The following IFIH1 variants were observed in gnomAD, a reference collection of about 807,000 sequenced individuals.
IFIH1 encodes the protein interferon induced with helicase C domain 1.
IFIH1 carries 125 observed loss-of-function variants against 107.4 expected under a neutral mutation model. That is an observed-to-expected ratio of 1.16 (90% CI 1.01 to 1.35). IFIH1 has a LOEUF of 1.35. IFIH1 is among the 40% of genes most tolerant of loss of function. IFIH1 has a pLI of 0.00. For missense variants in IFIH1, 1,333 were observed against 1,213.7 expected (o/e 1.10, Z -1.46); for synonymous variants, 458 against 413.2 (o/e 1.11, Z -1.31).
intron 1 of IFIH1, among the ~76,000 whole-genome samples, chr2:162,312,527 T>C (rs1471648224): frequency 2.6e-5 from 4 of 152,222 alleles, no homozygotes; most frequent in African/African-American, 9.6e-5. Flanking sequence ...TCTTGAACTA[T>C]AATTATAGCT....
rs1434055094 is a variant in IFIH1 at position 162,272,381 on chromosome 2, C to G, written c.2461G>C (p.Gly821Arg). ...TNEIAMVQAR[G>R]RARADESTYV... ...GTGCTCTCATCAGCTCTGGCTCGAC[C>G]ACGGGCCTGAAAACACAAATAAATC... The change falls in exon 13 of 16, where the codon GGT becomes CGT. Residue 821 changes from glycine (G) to arginine (R), a missense_variant. Coordinates refer to ENST00000649979, the MANE Select transcript of IFIH1 (RefSeq NM_022168.4). The G allele has an allele frequency of 1.2e-6, 2 of 1,611,772 alleles. No individual in the cohort carries two copies. The highest frequency in any genetic ancestry group is 2.2e-5 in the South Asian group (2 of 90,942).
intron 13 of IFIH1, among the ~76,000 whole-genome samples, chr2:162,271,822 T>C (rs1462791467): frequency 2.0e-5 from 3 of 152,198 alleles, no homozygotes; most frequent in African/African-American, 7.2e-5. Flanking sequence ...TTTTGTTTCC[T>C]CTGTTGGCTG....
chr2:162,276,758 C>T lies in IFIH1; in HGVS notation c.2233G>A (p.Ala745Thr). 5.0e-6 allele frequency: 8 copies of T among 1,613,998 alleles called. No homozygotes were observed. The highest frequency in any genetic ancestry group is 6.8e-6 in the Non-Finnish European group (8 of 1,179,906). The change falls in exon 11 of 16, where the codon GCT becomes ACT. Residue 745 changes from alanine to threonine, a missense_variant. Coordinates refer to ENST00000649979, the MANE Select transcript of IFIH1 (RefSeq NM_022168.4). ...SQWITENEKF[A>T]EVGVKAHHLI... ...TGGTGGGCTTTGACTCCTACTTCAG[C>T]AAATTTTTCATTTTCAGTAATCCAC... is the stretch of plus-strand genomic sequence containing the variant.
intron 11 of IFIH1, among the ~76,000 whole-genome samples, chr2:162,275,292 C>G (rs981298366): frequency 3.3e-5 from 5 of 152,174 alleles, no homozygotes; most frequent in Non-Finnish European, 7.3e-5. Context: ...CATTTGCACT[C>G]TACCTCTTTT....
chr2:162,314,441 T>TTTCTTTCTTTCA (rs1683446561), intron 1 of IFIH1, among the ~76,000 whole-genome samples: 1 of 118,850 alleles, frequency 8.4e-6, no homozygotes, highest in Non-Finnish European at 1.6e-5. Context: ...TCTTTCTTTC[T>TTTCTTTCTTTCA]TTCTTTCTTT....
At chr2:162,298,807 C>G (rs997176366) in intron 3 of IFIH1, among the ~76,000 whole-genome samples, 1 of 152,118 alleles carries the variant, frequency 6.6e-6, no homozygotes, top group Non-Finnish European at 1.5e-5. Context: ...CACACACACA[C>G]ACACTCACAT....
intron 5 of IFIH1, among the ~76,000 whole-genome samples, chr2:162,284,745 TATTA>T (rs1682870432): frequency 6.6e-6 from 1 of 152,004 alleles, no homozygotes; most frequent in Admixed American, 6.6e-5. Context: ...TGCAATAAAA[TATTA>T]ATTATCATAT....
Position 162,281,185 on chromosome 2 carries a change from G to A in IFIH1, c.1524+143C>T, listed in dbSNP as rs13431848. On this transcript the variant is annotated intron_variant, in intron 7 of 15. Coordinates refer to ENST00000649979, the MANE Select transcript of IFIH1 (RefSeq NM_022168.4). The stretch of plus-strand genomic sequence containing the variant: ...ATATTAGTATTCTGTAGAAGACTGA[G>A]TATATTTATTGTACTAAAGCAAACA... The A allele has an allele frequency of 0.063, 38,920 of 613,948 alleles. 4,540 individuals carry two copies. Among genetic ancestry groups the A allele is most frequent in the African/African-American group, 0.32 (17,043 of 53,640 alleles). The allele number at this position is 613,948 out of a possible 1,614,324, so 38.0% of individuals were successfully genotyped here. A position where few individuals can be genotyped will look rare whatever the true frequency, so the allele number is the denominator to read the frequency against.
intron 13 of IFIH1, among the ~76,000 whole-genome samples, chr2:162,269,258 G>A (rs1049546875): frequency 6.6e-6 from 1 of 152,136 alleles, no homozygotes; most frequent in Non-Finnish European, 1.5e-5. Context: ...TTAGATAGCT[G>A]GCATGTGTAC....
At chr2:162,288,524 C>T (rs1682936223) in intron 4 of IFIH1, among the ~76,000 whole-genome samples, 169 bp from the exon 5 acceptor site, 1 of 151,956 alleles carries the variant, frequency 6.6e-6, no homozygotes. Flanking sequence ...TCTGCATCTG[C>T]AGAATACAAC....
chr2:162,282,956 A>G (rs2105203742), intron 5 of IFIH1, among the ~76,000 whole-genome samples: 1 of 151,886 alleles, frequency 6.6e-6, no homozygotes, highest in East Asian at 1.9e-4. Context: ...GACTCAAAAA[A>G]GGGGAATTTG....
In IFIH1 at chr2:162,281,400, T is replaced by A. The variant is rs768037678; in HGVS notation, c.1452A>T (p.Ile484=). 3 of 1,612,904 alleles carry A rather than the reference T, an allele frequency of 1.9e-6. No homozygotes were observed. The highest frequency in any genetic ancestry group is 2.5e-6 in the Non-Finnish European group (3 of 1,179,218). The change falls in exon 7 of 16, where the codon ATA becomes ATT. Residue 484 remains isoleucine, a synonymous_variant. Coordinates refer to ENST00000649979, the MANE Select transcript of IFIH1 (RefSeq NM_022168.4). The part of the protein sequence containing the change: ...ENKPVIPLPQ[I]LGLTASPGVG... The stretch of plus-strand genomic sequence containing the variant: ...CACCAGGTGAAGCTGTTAGTCCCAG[T>A]ATCTGAGGAAGGGGAATCACTGGTT...
At chr2:162,283,332 G>C (rs1466297821) in intron 5 of IFIH1, among the ~76,000 whole-genome samples, 1 of 151,940 alleles carries the variant, frequency 6.6e-6, no homozygotes, top group African/African-American at 2.4e-5. Flanking sequence ...AGTAGACCTG[G>C]CAAAAGAAGT....
chr2:162,307,711 A>C (rs1378351979), intron 2 of IFIH1, among the ~76,000 whole-genome samples: 1 of 152,186 alleles, frequency 6.6e-6, no homozygotes, highest in Non-Finnish European at 1.5e-5. Flanking sequence ...ACCCAGTGAA[A>C]ATGTGCCCCA....
chr2:162,288,327 G>T lies in IFIH1; in HGVS notation c.903C>A (p.Ser301=). The T allele has an allele frequency of 1.2e-6, 2 of 1,612,498 alleles. No individual in the cohort carries two copies. The highest frequency in any genetic ancestry group is 2.7e-5 in the African/African-American group (2 of 74,874). ...SDEENVAARA[S]PEPELQLRPY... ...GCCTGAGCTGGAGTTCTGGCTCCGG[G>T]GATGCTCTTGCTGCCACATTCTCTT... The change falls in exon 5 of 16, where the codon TCC becomes TCA. Residue 301 remains serine (S), a synonymous_variant. Coordinates refer to ENST00000649979, the MANE Select transcript of IFIH1 (RefSeq NM_022168.4).
At chr2:162,314,428 CTTT>C (rs1558877501) in intron 1 of IFIH1, among the ~76,000 whole-genome samples, 1 of 76,544 alleles carries the variant, frequency 1.3e-5, no homozygotes, top group East Asian at 5.0e-4. Context: ...TTCTTTCTTT[CTTT>C]CTTTCTTTCT....
chr2:162,314,133 T>C (rs1401390425), intron 1 of IFIH1, among the ~76,000 whole-genome samples: 1 of 152,148 alleles, frequency 6.6e-6, no homozygotes, highest in Non-Finnish European at 1.5e-5. Flanking sequence ...ACTGCCTAAA[T>C]TGATGGGTGT....
intron 5 of IFIH1, among the ~76,000 whole-genome samples, chr2:162,284,548 A>G (rs993196092): frequency 6.6e-6 from 1 of 151,994 alleles, no homozygotes; most frequent in African/African-American, 2.4e-5. Flanking sequence ...AAGGAAGACC[A>G]GTGGACTCAG....
At chr2:162,300,935 CCAAAT>C (rs1264390862) in intron 3 of IFIH1, among the ~76,000 whole-genome samples, 1 of 151,868 alleles carries the variant, frequency 6.6e-6, no homozygotes, top group Non-Finnish European at 1.5e-5. Context: ...TTAGTATAGA[CCAAAT>C]CTAAGATTGG....
Sources: allele counts gnomAD v4.1 joint callset (sites outside exome capture counted in the v4.1 genomes callset), GRCh38; gene constraint gnomAD v4.1.1; transcripts MANE v1.5; gene names NCBI Gene and HGNC (gene_info 2026-07-23, HGNC 2026-07-21).